The following ARAP2 variants were observed in gnomAD, a reference collection of about 807,000 sequenced individuals.
ARAP2 encodes arf-GAP with Rho-GAP domain, ANK repeat and PH domain-containing protein 2.
Under a neutral mutation model 194.5 loss-of-function variants are expected in ARAP2, and 148 were observed. That is an observed-to-expected ratio of 0.76 (90% confidence interval 0.67 to 0.87). ARAP2 has a LOEUF of 0.87. Ranked by LOEUF, ARAP2 falls within the 40% of genes least tolerant of loss-of-function variation. The pLI, the probability that ARAP2 is intolerant of heterozygous loss-of-function variation, is 0.00. For synonymous variants in ARAP2, 695 were observed against 683.5 expected (o/e 1.02, Z -0.26); for missense variants, 2,128 against 1,989.7 (o/e 1.07, Z -1.32).
At chr4:36,052,249 A>C (rs1234276834) in intron 2 of ARAP2, among the ~76,000 whole-genome samples, 1 of 152,256 alleles carries the variant, frequency 6.6e-6, no homozygotes, top group Admixed American at 6.5e-5. Flanking sequence ...CAGGAAACAC[A>C]AACATTAATA....
intron 15 of ARAP2, chr4:36,157,451 A>G (rs1037738675): frequency 3.9e-5 from 6 of 152,124 alleles, no homozygotes; most frequent in African/African-American, 1.2e-4. Flanking sequence ...GACAAAAACC[A>G]ATTGTCGAAA....
chr4:36,031,666 C>CTTTTTT (rs67436021), intron 5 of ARAP2, among the ~76,000 whole-genome samples: 15 of 146,226 alleles, frequency 1.0e-4, no homozygotes, highest in Non-Finnish European at 1.3e-4. Flanking sequence ...GATTTAAAAT[C>CTTTTTT]TTTTTTTTTT....
intron 8 of ARAP2, among the ~76,000 whole-genome samples, chr4:36,013,520 C>T (rs1324859250): frequency 6.6e-6 from 1 of 152,072 alleles, no homozygotes; most frequent in African/African-American, 2.4e-5. Flanking sequence ...ATTATGGATA[C>T]AGGGTGTTTG....
intron 1 of ARAP2, among the ~76,000 whole-genome samples, chr4:36,242,290 TGC>T (rs1283167753): frequency 6.6e-6 from 1 of 152,176 alleles, no homozygotes; most frequent in East Asian, 1.9e-4. Flanking sequence ...ATGTAGCATG[TGC>T]AAAGATTGTA....
chr4:36,105,998 A>AT (rs766990717), intron 27 of ARAP2, among the ~76,000 whole-genome samples: 1 of 151,994 alleles, frequency 6.6e-6, no homozygotes, highest in Non-Finnish European at 1.5e-5. Flanking sequence ...ATTAGAACAG[A>AT]TATCACAGAT....
At chr4:36,183,948 A>G (rs140891437) in intron 8 of ARAP2, among the ~76,000 whole-genome samples, 34 of 152,326 alleles carry the variant, frequency 2.2e-4, no homozygotes, top group African/African-American at 7.7e-4. Flanking sequence ...CACCAAAAGT[A>G]AAGAATTCAT....
At chr4:36,062,879 C>T (rs1389773643), downstream of ARAP2, among the ~76,000 whole-genome samples, 1 of 152,006 alleles carries the variant, frequency 6.6e-6, no homozygotes, top group Admixed American at 6.6e-5. Flanking sequence ...AATAATTATA[C>T]AACTTAAAAA....
At chr4:36,210,298 A>C in intron 6 of ARAP2, 92 bp downstream of exon 6, 3 of 1,154,700 alleles carry the variant, frequency 2.6e-6, no homozygotes, top group Non-Finnish European at 2.4e-6. Flanking sequence ...GTGGCGGTGG[A>C]GTGGGGGAAC....
intron 8 of ARAP2, among the ~76,000 whole-genome samples, chr4:36,014,309 G>GGAAAGAAAGAGAGAAA (rs1336656297): frequency 3.5e-5 from 3 of 85,204 alleles, no homozygotes; most frequent in Admixed American, 1.3e-4. Context: ...AGAGAAGGAA[G>GGAAAGAAAGAGAGAAA]GAAAGAAAGA....
chr4:36,193,018 G>A (rs1742282720), intron 7 of ARAP2, among the ~76,000 whole-genome samples: 1 of 151,954 alleles, frequency 6.6e-6, no homozygotes, highest in South Asian at 2.1e-4. Flanking sequence ...AAAAGAAAAT[G>A]GCTTTTCAAA....
At chr4:36,160,671 A>C in intron 12 of ARAP2, 30 bp from the exon 13 acceptor site, 1 of 1,376,298 alleles carries the variant, frequency 7.3e-7, no homozygotes, top group Non-Finnish European at 9.5e-7. Flanking sequence ...ACCCCATAAT[A>C]TATCAGTTCA....
At chr4:36,090,661 A>C (rs1713358061) in intron 28 of ARAP2, among the ~76,000 whole-genome samples, 1 of 152,138 alleles carries the variant, frequency 6.6e-6, no homozygotes, top group African/African-American at 2.4e-5. Context: ...AGCATGGAAT[A>C]GAAAAACAAA....
At chr4:36,038,119 T>A (rs776380533) in intron 5 of ARAP2, among the ~76,000 whole-genome samples, 5 of 152,224 alleles carry the variant, frequency 3.3e-5, no homozygotes, top group African/African-American at 1.2e-4. Context: ...TGGCCTGGCA[T>A]ACCTTAGACA....
At chr4:36,040,976 G>A (rs1459672547) in intron 5 of ARAP2, among the ~76,000 whole-genome samples, 1 of 151,960 alleles carries the variant, frequency 6.6e-6, no homozygotes, top group Non-Finnish European at 1.5e-5. Context: ...TGTTGTAGAT[G>A]GCTCTTATTA....
At position 36,092,016 on chromosome 4, in the gene ARAP2, C is replaced by G; in HGVS notation, c.4290G>C (p.Arg1430=). 2 of 1,583,468 alleles carry G rather than the reference C, an allele frequency of 1.3e-6. No homozygotes were observed. The highest frequency in any genetic ancestry group is 1.7e-6 in the Non-Finnish European group (2 of 1,158,144). ...CTTCTTTGATGCTTCCCAGTGTACT[C>G]CGGTCTGTAAAGTACAGCATTACTT... ...TADTIKHCSD[R]STLGSIKEGI... Residue 1430 remains arginine, a synonymous_variant, in exon 28 of 33, where the codon CGG becomes CGC. Coordinates refer to ENST00000303965, the MANE Select transcript of ARAP2 (RefSeq NM_015230.4).
Position 36,228,913 on chromosome 4 carries a change from C to T in ARAP2, c.574G>A (p.Glu192Lys). 3 of 1,613,968 alleles carry T rather than the reference C, an allele frequency of 1.9e-6. No individual in the cohort carries two copies. The highest frequency in any genetic ancestry group is 2.5e-6 in the Non-Finnish European group (3 of 1,179,930). Residue 192 changes from glutamate (E) to lysine (K), a missense_variant, in exon 2 of 33, where the codon GAA (glutamate) becomes AAA (lysine). By Grantham distance (56) the Glu-to-Lys change is moderately conservative. Coordinates refer to ENST00000303965, the MANE Select transcript of ARAP2 (RefSeq NM_015230.4). ...ITKKTVDHTV[E>K]EQQTEKVKLI... ...TTAACTTTTTCTGTTTGTTGTTCTT[C>T]AACTGTGTGATCCACAGTCTTCTTT...
chr4:36,059,378 G>A (rs907569682), intron 1 of ARAP2, among the ~76,000 whole-genome samples: 1 of 152,154 alleles, frequency 6.6e-6, no homozygotes, highest in South Asian at 2.1e-4. Flanking sequence ...ACGGCAGAGT[G>A]TAAAAGTGTG....
At chr4:36,037,697 G>A (rs911338768) in intron 5 of ARAP2, among the ~76,000 whole-genome samples, 2 of 151,978 alleles carry the variant, frequency 1.3e-5, no homozygotes, top group Non-Finnish European at 2.9e-5. Flanking sequence ...TGGTTGCCTC[G>A]TGGACTGTTT....
intron 24 of ARAP2, 109 bp from the exon 25 acceptor site, chr4:36,117,244 A>G: frequency 1.4e-6 from 1 of 726,810 alleles, no homozygotes; most frequent in Non-Finnish European, 2.1e-6. Flanking sequence ...ATATTTTATA[A>G]CAATGAAACA....
Sources: allele counts gnomAD v4.1 joint callset (sites outside exome capture counted in the v4.1 genomes callset), GRCh38; gene constraint gnomAD v4.1.1; transcripts MANE v1.5; gene names NCBI Gene and HGNC (gene_info 2026-07-23, HGNC 2026-07-21).